ABAT: variants seen among roughly 807,000 people sequenced by gnomAD.
ABAT encodes 4-aminobutyrate aminotransferase, mitochondrial.
In ABAT, 45 loss-of-function variants were observed where a neutral mutation model predicts 64.6. That is an observed-to-expected ratio of 0.70 (90% confidence interval 0.55 to 0.89). The LOEUF (loss-of-function observed/expected upper bound fraction) is 0.89, where lower values mean the gene tolerates loss of function less well. Among genes scored for constraint, ABAT ranks in the 40% least tolerant of loss-of-function variants. ABAT has a pLI of 0.00. For synonymous variants in ABAT, 297 were observed against 250.5 expected (o/e 1.19, Z -1.75); for missense variants, 633 against 658.4 (o/e 0.96, Z 0.42).
intron 11 of ABAT, among the ~76,000 whole-genome samples, chr16:8,771,965 A>G (rs545344837): frequency 3.9e-4 from 60 of 151,918 alleles, no homozygotes; most frequent in African/African-American, 1.4e-3. Flanking sequence ...GAACCGCGCT[A>G]TGTTGCACAG....
intron 11 of ABAT, among the ~76,000 whole-genome samples, chr16:8,772,457 C>G (rs1469630139): frequency 6.6e-6 from 1 of 152,214 alleles, no homozygotes; most frequent in East Asian, 1.9e-4. Flanking sequence ...GCTATATTTT[C>G]TCATTCAGTC....
chr16:8,703,728 G>A (rs1018686317), intron 1 of ABAT, among the ~76,000 whole-genome samples: 1 of 152,148 alleles, frequency 6.6e-6, no homozygotes, highest in African/African-American at 2.4e-5. Context: ...TTATTGGGAA[G>A]ATAGGAAAGA....
In ABAT at chr16:8,783,483, G is replaced by A. The variant is rs1160380111; in HGVS notation, c.*2053G>A. ...GCAGTGTTTTGCAGAATGAGCCAGAGTTCACCAAGCAGGCAAGGCAAGGAA... is the reference window on the plus strand; with the variant it reads ...GCAGTGTTTTGCAGAATGAGCCAGAATTCACCAAGCAGGCAAGGCAAGGAA... On this transcript the variant is annotated 3_prime_UTR_variant, in exon 16 of 16. Coordinates refer to ENST00000268251, the MANE Select transcript of ABAT (RefSeq NM_020686.6). 1 of 152,266 alleles carries A rather than the reference G, an allele frequency of 6.6e-6. No homozygotes were observed. Among genetic ancestry groups the A allele is most frequent in the Non-Finnish European group, 1.5e-5 (1 of 68,088 alleles). The allele number at this position is 152,266 out of a possible 1,614,324, so 9.4% of individuals were successfully genotyped here.
At chr16:8,677,332 G>C (rs186461971) in intron 1 of ABAT, among the ~76,000 whole-genome samples, 14 of 152,272 alleles carry the variant, frequency 9.2e-5, no homozygotes, top group Admixed American at 5.9e-4. Context: ...AAGGTGCCTG[G>C]GGACAAGGGG....
intron 1 of ABAT, among the ~76,000 whole-genome samples, chr16:8,688,578 T>A (rs1389465170): frequency 1.3e-5 from 2 of 152,116 alleles, no homozygotes; most frequent in Non-Finnish European, 2.9e-5. Context: ...AAAGTAAATT[T>A]TTCTCCCTCA....
chr16:8,697,635 T>G (rs1273374), intron 1 of ABAT, among the ~76,000 whole-genome samples: 11,151 of 113,044 alleles, frequency 0.099, 554 homozygotes, highest in Middle Eastern at 0.27. Flanking sequence ...TTGTTTTTTG[T>G]TTTTTGGTTT....
At chr16:8,698,374 C>G (rs1023653054) in intron 1 of ABAT, among the ~76,000 whole-genome samples, 2 of 151,974 alleles carry the variant, frequency 1.3e-5, no homozygotes, top group Non-Finnish European at 2.9e-5. Context: ...ACTTTTGTCC[C>G]CCAGGCTAGA....
chr16:8,784,464 A>C lies in ABAT; in HGVS notation c.*3034A>C, dbSNP rs2060502673. 1.3e-5 allele frequency: 2 copies of C among 152,614 alleles called. No homozygotes were observed. The highest frequency in any genetic ancestry group is 4.1e-4 in the South Asian group (2 of 4,832). 9.5% of individuals were successfully genotyped at this position (152,614 alleles called of 1,614,324 possible). A position where few individuals can be genotyped will look rare whatever the true frequency, so the allele number is the denominator to read the frequency against. On this transcript the variant is annotated 3_prime_UTR_variant, in exon 16 of 16. Transcript: ENST00000268251. Reference sequence around the variant, plus strand: ...TTGACAGTGCCAATAAATGATAAAAAAAAAATTAACATGTCACAATGTAAC... The same window carrying C: ...TTGACAGTGCCAATAAATGATAAAACAAAAATTAACATGTCACAATGTAAC...
At position 8,723,601 on chromosome 16, in the gene ABAT, A is replaced by G. The variant is rs1310563815; in HGVS notation, c.-41-12098A>G. Among the ~76,000 whole-genome samples, 4 of 152,092 alleles carry G rather than the reference A, an allele frequency of 2.6e-5. No individual in the cohort carries two copies. The East Asian group carries it at 7.7e-4, about 29-fold the overall frequency. On this transcript the variant is annotated intron_variant, in intron 1 of 15. Coordinates refer to ENST00000268251, the MANE Select transcript of ABAT (RefSeq NM_020686.6). ...CAAGTATAAGACAGGAGCAAGTCAG[A>G]GACAGAGTAAATGCAAATGACTTGT...
intron 1 of ABAT, among the ~76,000 whole-genome samples, chr16:8,728,106 G>A (rs1474135272): frequency 2.6e-5 from 4 of 152,120 alleles, no homozygotes; most frequent in Admixed American, 6.6e-5. Flanking sequence ...ATATCTAAAC[G>A]ATGCAGTGCC....
chr16:8,702,504 C>T (rs937455167), intron 1 of ABAT, among the ~76,000 whole-genome samples: 23 of 152,140 alleles, frequency 1.5e-4, no homozygotes, highest in African/African-American at 5.6e-4. Flanking sequence ...CCTCCCGCCT[C>T]GGCCTCCCAA....
At chr16:8,758,361 G>T (rs2059702674) in intron 6 of ABAT, among the ~76,000 whole-genome samples, 1 of 152,166 alleles carries the variant, frequency 6.6e-6, no homozygotes, top group Non-Finnish European at 1.5e-5. Context: ...TTTCAGCTGA[G>T]ATCTGAAGGA....
intron 12 of ABAT, 136 bp downstream of exon 12, chr16:8,773,053 G>T: frequency 1.7e-6 from 2 of 1,170,456 alleles, no homozygotes; most frequent in Non-Finnish European, 2.4e-6. Flanking sequence ...GTCAGCATCA[G>T]GGGTGGAGAA....
intron 1 of ABAT, among the ~76,000 whole-genome samples, chr16:8,698,339 T>C (rs549846245): frequency 6.6e-6 from 1 of 152,136 alleles, no homozygotes; most frequent in Admixed American, 6.5e-5. Flanking sequence ...TGGCTCTTTT[T>C]TTTTTTTCTT....
At chr16:8,697,801 A>T (rs978112131) in intron 1 of ABAT, among the ~76,000 whole-genome samples, 2 of 152,040 alleles carry the variant, frequency 1.3e-5, no homozygotes, top group Non-Finnish European at 2.9e-5. Context: ...ACGCCCAGCT[A>T]ATTTTTTGTA....
At position 8,743,119 on chromosome 16, in the gene ABAT, T is replaced by C. The variant is rs986181843; in HGVS notation, c.71-2882T>C. On this transcript the variant is annotated intron_variant, in intron 2 of 15. Transcript: ENST00000268251. ...AGATCAAAGAGAAGAAAATAAAAGCTGTTTTTCTTCATCCTTATATAAGTA... is the reference window on the plus strand; with the variant it reads ...AGATCAAAGAGAAGAAAATAAAAGCCGTTTTTCTTCATCCTTATATAAGTA... 6.1e-4 allele frequency among the ~76,000 whole-genome samples: 92 copies of C among 151,730 alleles called. 5 individuals are homozygous for C. Among genetic ancestry groups the C allele is most frequent in the Admixed American group, 6.0e-3 (91 of 15,206 alleles).
chr16:8,693,067 A>G (rs2141984252), intron 1 of ABAT, among the ~76,000 whole-genome samples: 1 of 151,594 alleles, frequency 6.6e-6, no homozygotes, highest in South Asian at 2.1e-4. Flanking sequence ...GTTGGCCAGG[A>G]TGGTCTCGAA....
intron 1 of ABAT, among the ~76,000 whole-genome samples, chr16:8,688,938 G>A (rs2057518521): frequency 6.6e-6 from 1 of 152,134 alleles, no homozygotes; most frequent in Non-Finnish European, 1.5e-5. Context: ...AAATTAGCCG[G>A]GCGTGGTGGC....
chr16:8,675,354 C>G (rs1347542352), intron 1 of ABAT, among the ~76,000 whole-genome samples: 2 of 152,076 alleles, frequency 1.3e-5, no homozygotes, highest in African/African-American at 4.8e-5. Flanking sequence ...GATTTCCCCT[C>G]TCCTCCCCAG....
Sources: allele counts gnomAD v4.1 joint callset (sites outside exome capture counted in the v4.1 genomes callset), GRCh38; gene constraint gnomAD v4.1.1; transcripts MANE v1.5; gene names NCBI Gene and HGNC (gene_info 2026-07-23, HGNC 2026-07-21).